GRID2: variants seen among roughly 807,000 people sequenced by gnomAD.
The protein encoded by GRID2 is glutamate receptor ionotropic, delta-2.
Under a neutral mutation model 114.8 loss-of-function variants are expected in GRID2, and 33 were observed. The observed-to-expected ratio is 0.29, with a 90% CI of 0.22 to 0.38. The LOEUF (loss-of-function observed/expected upper bound fraction) is 0.38. Among genes scored for constraint, GRID2 ranks in the 10% least tolerant of loss-of-function variants. GRID2 has a pLI of 1.00. For synonymous variants in GRID2, 505 were observed against 449.9 expected, an observed-to-expected ratio of 1.12 and a Z score of -1.55; for missense variants, 1,184 against 1,257.7, an observed-to-expected ratio of 0.94 and a Z score of 0.89.
intron 13 of GRID2, among the ~76,000 whole-genome samples, chr4:93,590,429 T>C (rs368976327): frequency 0.17 from 22,539 of 134,178 alleles, 2,310 homozygotes; most frequent in Middle Eastern, 0.27. Context: ...TGTTTTGGTA[T>C]CAGTACCATG....
At chr4:93,548,281 A>G (rs1339363564) in intron 13 of GRID2, among the ~76,000 whole-genome samples, 1 of 152,188 alleles carries the variant, frequency 6.6e-6, no homozygotes, top group Non-Finnish European at 1.5e-5. Flanking sequence ...TGAAGAAAAC[A>G]ATGTCTTATC....
intron 13 of GRID2, among the ~76,000 whole-genome samples, chr4:93,570,642 A>T (rs113518461): frequency 0.014 from 2,120 of 152,314 alleles, 23 homozygotes; most frequent in Non-Finnish European, 0.024. Context: ...TCAGAACATC[A>T]CTGCGTACTC....
chr4:93,625,804 A>G (rs1204223822), intron 13 of GRID2, among the ~76,000 whole-genome samples: 2 of 152,090 alleles, frequency 1.3e-5, no homozygotes, highest in East Asian at 3.9e-4. Context: ...AGTCCCAGCT[A>G]CTCGGGAGGT....
In GRID2 at chr4:92,414,023, A is replaced by T. The variant is rs186754676; in HGVS notation, c.88+109279A>T. 9.1e-4 allele frequency among the ~76,000 whole-genome samples: 138 copies of T among 152,286 alleles called. 3 individuals are homozygous for T. The East Asian group carries it at 0.018, about 19-fold the overall frequency. On this transcript the variant is annotated intron_variant, in intron 1 of 15. Coordinates refer to ENST00000282020, the MANE Select transcript of GRID2 (RefSeq NM_001510.4). ...CAAAAGGAAATATTGAAAATAACAAAATGGGAATAATATATTGTTTGGTAA... is the reference window on the plus strand; with the variant it reads ...CAAAAGGAAATATTGAAAATAACAATATGGGAATAATATATTGTTTGGTAA...
At chr4:92,548,488 G>T (rs912097505) in intron 1 of GRID2, among the ~76,000 whole-genome samples, 1 of 136,400 alleles carries the variant, frequency 7.3e-6, no homozygotes. Context: ...TGCAACCTCC[G>T]CCTGCCGGGT....
At chr4:92,397,899 TA>T (rs1282008441) in intron 1 of GRID2, among the ~76,000 whole-genome samples, 3 of 152,156 alleles carry the variant, frequency 2.0e-5, no homozygotes, top group East Asian at 3.9e-4. Context: ...ACCATCACTA[TA>T]CCTACTCCAA....
intron 8 of GRID2, among the ~76,000 whole-genome samples, chr4:93,283,721 A>G (rs1013609776): frequency 2.0e-5 from 3 of 152,052 alleles, no homozygotes; most frequent in Admixed American, 6.6e-5. Flanking sequence ...TTTATTGCCT[A>G]CTTTTTCAAA....
chr4:93,262,790 C>CTTA (rs1378122907), intron 8 of GRID2, among the ~76,000 whole-genome samples: 1 of 149,604 alleles, frequency 6.7e-6, no homozygotes, highest in Non-Finnish European at 1.5e-5. Context: ...CATTTTTGCC[C>CTTA]TTTTAAGTGT....
chr4:93,442,473 TTCC>T (rs1721711351), intron 10 of GRID2, among the ~76,000 whole-genome samples: 1 of 152,064 alleles, frequency 6.6e-6, no homozygotes, highest in Non-Finnish European at 1.5e-5. Flanking sequence ...TGGTAACTTT[TTCC>T]CCCACTTAGC....
intron 4 of GRID2, among the ~76,000 whole-genome samples, chr4:93,126,327 T>C (rs1252772889): frequency 1.3e-5 from 2 of 152,112 alleles, no homozygotes; most frequent in East Asian, 3.9e-4. Context: ...CATAATAGTC[T>C]ACAGAGTTCA....
chr4:93,520,560 G>A (rs1730232859), intron 13 of GRID2, among the ~76,000 whole-genome samples: 1 of 152,120 alleles, frequency 6.6e-6, no homozygotes, highest in African/African-American at 2.4e-5. Flanking sequence ...GGAGAGAAAT[G>A]TCAAGAAGAT....
At chr4:92,411,060 T>C (rs1271921460) in intron 1 of GRID2, among the ~76,000 whole-genome samples, 2 of 152,186 alleles carry the variant, frequency 1.3e-5, no homozygotes, top group African/African-American at 4.8e-5. Context: ...TATGGATATG[T>C]AGCACTTGAA....
At chr4:92,739,048 G>A (rs550591954) in intron 2 of GRID2, among the ~76,000 whole-genome samples, 11 of 152,140 alleles carry the variant, frequency 7.2e-5, no homozygotes, top group East Asian at 5.8e-4. Context: ...ACAGATATTC[G>A]AAGAACAAAA....
chr4:93,282,502 A>G (rs1463168359), intron 8 of GRID2: 2 of 285,814 alleles, frequency 7.0e-6, no homozygotes, highest in African/African-American at 4.6e-5. Flanking sequence ...ATAAGGGTCA[A>G]ACTCATCCTT....
chr4:92,906,902 G>T (rs1056123611), intron 2 of GRID2, among the ~76,000 whole-genome samples: 1 of 152,240 alleles, frequency 6.6e-6, no homozygotes, highest in East Asian at 1.9e-4. Context: ...TAGCAGCATA[G>T]CTTCACTCTG....
chr4:93,130,005 CCAGCCCTTCAGGCT>C (rs1734647950), intron 4 of GRID2, among the ~76,000 whole-genome samples: 6 of 152,144 alleles, frequency 3.9e-5, no homozygotes, highest in African/African-American at 1.2e-4. Flanking sequence ...TCCCACCCTG[CCAGCCCTTCAGGCT>C]GCCAGACATA....
At chr4:92,625,891 T>C (rs1730498897) in intron 2 of GRID2, among the ~76,000 whole-genome samples, 1 of 151,984 alleles carries the variant, frequency 6.6e-6, no homozygotes, top group Non-Finnish European at 1.5e-5. Context: ...ATTAGCCATG[T>C]ACTTCAAGAT....
chr4:93,741,495 A>G (rs1232375318), intron 14 of GRID2, among the ~76,000 whole-genome samples: 1 of 152,160 alleles, frequency 6.6e-6, no homozygotes, highest in Non-Finnish European at 1.5e-5. Flanking sequence ...TAAATAAATG[A>G]TGGCACATTT....
chr4:92,702,432 A>G (rs1319902478), intron 2 of GRID2: 1 of 152,150 alleles, frequency 6.6e-6, no homozygotes, highest in East Asian at 1.9e-4. Flanking sequence ...TCTAGGCTAC[A>G]TACAACTATG....
Sources: gnomAD v4.1 joint callset for allele counts (sites outside exome capture counted in the v4.1 genomes callset) on GRCh38, gnomAD v4.1.1 for gene constraint, MANE v1.5 for transcripts, NCBI Gene and HGNC (gene_info 2026-07-23, HGNC 2026-07-21) for gene names.